AIFM3: variants seen among roughly 807,000 people sequenced by gnomAD.
The protein encoded by AIFM3 is apoptosis-inducing factor 3.
Under a neutral mutation model 82.7 loss-of-function variants are expected in AIFM3, and 71 were observed. The observed-to-expected ratio is 0.86, with a 90% CI of 0.71 to 1.05. AIFM3 has a LOEUF of 1.05. AIFM3 is among the 50% of genes least tolerant of loss of function. The pLI is 0.00. For missense variants in AIFM3, 748 were observed against 816.7 expected (o/e 0.92, Z 1.03); for synonymous variants, 337 against 329.1 (o/e 1.02, Z -0.26).
At chr22:20,976,086 G>A in intron 9 of AIFM3, 129 bp from the exon 10 acceptor site, 1 of 1,024,466 alleles carries the variant, frequency 9.8e-7, no homozygotes, top group Non-Finnish European at 1.5e-6. Context: ...AGCCCAGGTG[G>A]CAGGATCTGT....
In AIFM3 at chr22:20,980,807, C is replaced by T. The variant is rs750138398; in HGVS notation, c.1778+40C>T. 3.2e-5 allele frequency: 52 copies of T among 1,613,314 alleles called. No homozygotes were observed. In the South Asian group the frequency reaches 5.5e-4, roughly 17 times the overall value. On this transcript the variant is annotated intron_variant, in intron 20 of 20. Transcript: ENST00000440238. ...CATGTTGACCGTTCTGAGCCTTTCC[C>T]ATGTCAGCCCAGACCCTCCACCCAA...
intron 18 of AIFM3, 140 bp from the exon 19 acceptor site, chr22:20,979,880 G>C: frequency 8.9e-7 from 1 of 1,117,400 alleles, no homozygotes; most frequent in South Asian, 1.5e-5. Flanking sequence ...TGCAAAGCAG[G>C]GAGGGCTGGG....
intron 4 of AIFM3, 29 bp from the exon 5 acceptor site, chr22:20,974,034 G>A: frequency 6.3e-7 from 1 of 1,577,828 alleles, no homozygotes; most frequent in Non-Finnish European, 8.6e-7. Context: ...CCCTGCTGGT[G>A]GGCGCAGCCT....
chr22:20,973,640 C>T, intron 3 of AIFM3, 118 bp from the exon 4 acceptor site: 3 of 1,392,710 alleles, frequency 2.2e-6, no homozygotes, highest in Non-Finnish European at 2.9e-6. Flanking sequence ...GCCCTGGTCA[C>T]TGCCTTTGTG....
chr22:20,978,341 CCT>C (rs1377869401), intron 16 of AIFM3, among the ~76,000 whole-genome samples: 2 of 152,130 alleles, frequency 1.3e-5, no homozygotes, highest in Non-Finnish European at 2.9e-5. Flanking sequence ...CCCATTTATG[CCT>C]CTGTTTCCCT....
intron 16 of AIFM3, 97 bp downstream of exon 16, chr22:20,978,102 A>G (rs1923816774): frequency 9.1e-7 from 1 of 1,101,202 alleles, no homozygotes. Context: ...TGGGTCCTGG[A>G]CACTGTTAGG....
At chr22:20,978,053 G>A in intron 16 of AIFM3, 48 bp downstream of exon 16, 1 of 1,572,204 alleles carries the variant, frequency 6.4e-7, no homozygotes, top group Admixed American at 1.7e-5. Context: ...GAGTCTCAGG[G>A]TCTCAGTGTC....
chr22:20,980,600 G>A lies in AIFM3; in HGVS notation c.1758-147G>A, dbSNP rs991426011. The A allele has an allele frequency of 6.3e-6, 6 of 948,858 alleles. No homozygotes were observed. In the African/African-American group the frequency reaches 9.6e-5, roughly 15 times the overall value. 58.8% of individuals were successfully genotyped at this position (948,858 alleles called of 1,614,324 possible). The stretch of plus-strand genomic sequence containing the variant: ...CACCCTCTGGGAGAGAGCTCCCAGG[G>A]ACTGGGGACAGCCTGGAGGCCACTG... On this transcript the variant is annotated intron_variant, in intron 19 of 20. Transcript: ENST00000440238.
chr22:20,971,083 G>A (rs918060987), intron 2 of AIFM3, among the ~76,000 whole-genome samples: 35 of 152,348 alleles, frequency 2.3e-4, no homozygotes, highest in African/African-American at 8.4e-4. Flanking sequence ...GCATCAGTGA[G>A]TGGGCTTGGA....
chr22:20,974,897 TG>T, intron 8 of AIFM3, 81 bp downstream of exon 8: 1 of 1,449,812 alleles, frequency 6.9e-7, no homozygotes, highest in South Asian at 1.2e-5. Flanking sequence ...GTCACCCCAT[TG>T]GGGTCTGGCC....
chr22:20,977,157 T>A, intron 14 of AIFM3, 62 bp downstream of exon 14: 1 of 1,606,912 alleles, frequency 6.2e-7, no homozygotes, highest in Non-Finnish European at 8.5e-7. Flanking sequence ...TGCTCACATG[T>A]GACCTTGGGC....
Position 20,977,034 on chromosome 22 carries a change from G to T in AIFM3, c.1221G>T (p.Leu407=). The change falls in exon 14 of 21, where the codon CTG becomes CTT. Residue 407 remains leucine (L), a splice_region_variant and synonymous_variant. Transcript: ENST00000440238. The part of the protein sequence containing the change: ...VSELRGQEGK[L]KEVVLKSSKV... ...GTTTATCCACCCACTCCCCACAGCT[G>T]AAGGAGGTTGTGCTGAAGAGCAGCA... 6.2e-7 allele frequency: 1 copy of T among 1,614,180 alleles called. No homozygotes were observed. The highest frequency in any genetic ancestry group is 8.5e-7 in the Non-Finnish European group (1 of 1,180,020).
chr22:20,967,986 T>C lies in AIFM3; in HGVS notation c.31+11T>C, dbSNP rs768833316. ...CCAAACCCAAACCAGGTACCTCCTG[T>C]CTTCTTGTCTCCATCCTTTCTCCTC... On this transcript the variant is annotated intron_variant, in intron 2 of 20. Coordinates refer to ENST00000440238, the MANE Select transcript of AIFM3 (RefSeq NM_001386814.1). 9 of 1,613,710 alleles carry C rather than the reference T, an allele frequency of 5.6e-6. No homozygotes were observed. The Admixed American group carries it at 1.2e-4, about 21-fold the overall frequency.
At chr22:20,977,487 AC>A in intron 14 of AIFM3, 1 of 626,616 alleles carries the variant, frequency 1.6e-6, no homozygotes, top group Non-Finnish European at 2.8e-6. Context: ...CTCATGGAGC[AC>A]TTCTTGGAGA....
chr22:20,968,876 A>G (rs911472415), intron 2 of AIFM3, among the ~76,000 whole-genome samples: 1 of 151,914 alleles, frequency 6.6e-6, no homozygotes, highest in African/African-American at 2.4e-5. Context: ...CAGCTCCGTT[A>G]CCTTGGAACT....
chr22:20,968,054 T>C, intron 2 of AIFM3, 79 bp downstream of exon 2: 1 of 1,447,064 alleles, frequency 6.9e-7, no homozygotes, highest in South Asian at 1.3e-5. Flanking sequence ...CCTCCCCCTC[T>C]GCACTCGGTA....
At chr22:20,967,108 G>A (rs1019549340), upstream of AIFM3, 1 of 152,408 alleles carries the variant, frequency 6.6e-6, no homozygotes, top group African/African-American at 2.4e-5. Flanking sequence ...ACAGAGCAGG[G>A]TTTCCCTGGG....
Position 20,973,312 on chromosome 22 carries a change from C to G in AIFM3, c.37C>G (p.Leu13Val). Residue 13 changes from leucine (L) to valine (V), a missense_variant, in exon 3 of 21, where the codon CTC becomes GTC. Leu to Val is a conservative substitution (Grantham distance 32). Around this residue, in one of 5 missense-constraint regions of AIFM3, gnomAD observed 17 missense variants for 19.0 expected, o/e 0.89. Transcript: ENST00000440238. ...GCFSKPKPVE[L>V]KIEVVLPEKE... ...AGGCGCTGCCTTGCCCACAGTGGAG[C>G]TCAAGATCGAGGTGGTGCTGCCTGA... The G allele has an allele frequency of 6.3e-7, 1 of 1,582,568 alleles. No homozygotes were observed. The highest frequency in any genetic ancestry group is 8.6e-7 in the Non-Finnish European group (1 of 1,164,742).
chr22:20,971,728 C>T (rs961962199), intron 2 of AIFM3, among the ~76,000 whole-genome samples: 1 of 152,190 alleles, frequency 6.6e-6, no homozygotes, highest in Admixed American at 6.5e-5. Flanking sequence ...CATGCTGTGC[C>T]AGGGGCTTAG....
Sources: allele counts gnomAD v4.1 joint callset (sites outside exome capture counted in the v4.1 genomes callset), GRCh38; gene constraint gnomAD v4.1.1; regional missense constraint gnomAD v4.1.1; transcripts MANE v1.5; gene names NCBI Gene and HGNC (gene_info 2026-07-23, HGNC 2026-07-21).